Variants in ELP4 observed in about 807,000 individuals in gnomAD.
The protein encoded by ELP4 is elongator complex protein 4.
Under a neutral mutation model 48.9 loss-of-function variants are expected in ELP4, and 51 were observed. The ratio of observed to expected loss-of-function variants is 1.04; its 90% confidence interval spans 0.83 to 1.32. The LOEUF is 1.32. ELP4 is among the 40% of genes most tolerant of loss of function. The pLI, the probability that ELP4 is intolerant of heterozygous loss-of-function variation, is 0.00. For synonymous variants in ELP4, 210 were observed against 189.2 expected (o/e 1.11, Z -0.90); for missense variants, 519 against 514.6 (o/e 1.01, Z -0.08).
At chr11:31,626,482 G>A (rs1179049795) in intron 5 of ELP4, among the ~76,000 whole-genome samples, 1 of 151,644 alleles carries the variant, frequency 6.6e-6, no homozygotes, top group Non-Finnish European at 1.5e-5. Context: ...CATAGCATTT[G>A]TAAAATATTT....
At chr11:31,636,947 T>C (rs1944991194) in intron 7 of ELP4, among the ~76,000 whole-genome samples, 1 of 152,144 alleles carries the variant, frequency 6.6e-6, no homozygotes, top group Admixed American at 6.6e-5. Context: ...ATATTATTAC[T>C]CATATTGTCT....
intron 9 of ELP4, among the ~76,000 whole-genome samples, chr11:31,769,798 AC>A (rs558229770): frequency 9.8e-4 from 149 of 152,326 alleles, no homozygotes; most frequent in African/African-American, 3.2e-3. Context: ...TTAAAAAAAA[AC>A]GAGGATAAAA....
At chr11:31,657,450 C>G (rs981881244) in intron 9 of ELP4, among the ~76,000 whole-genome samples, 1 of 151,984 alleles carries the variant, frequency 6.6e-6, no homozygotes, top group Non-Finnish European at 1.5e-5. Context: ...AATGTAAGCT[C>G]CACAAGAGTA....
chr11:31,619,143 G>C (rs1457979373), intron 5 of ELP4, among the ~76,000 whole-genome samples: 3 of 151,924 alleles, frequency 2.0e-5, no homozygotes, highest in Non-Finnish European at 4.4e-5. Flanking sequence ...TTTCAAGGGA[G>C]AGATAACGAT....
chr11:31,696,607 A>G (rs1331711548), intron 9 of ELP4, among the ~76,000 whole-genome samples: 3 of 152,192 alleles, frequency 2.0e-5, no homozygotes, highest in East Asian at 1.9e-4. Context: ...CAATTTTGGA[A>G]TAAGTGTGAT....
In ELP4 at chr11:31,788,716, T is replaced by A. The variant is rs1051181059; in HGVS notation, c.*5192T>A. 9.7e-6 allele frequency: 2 copies of A among 205,738 alleles called. No homozygotes were observed. The highest frequency in any genetic ancestry group is 2.0e-5 in the Non-Finnish European group (2 of 101,676). 12.7% of individuals were successfully genotyped at this position (205,738 alleles called of 1,614,324 possible). A position where few individuals can be genotyped will look rare whatever the true frequency, so the allele number is the denominator to read the frequency against. Reference sequence around the variant, plus strand: ...GGGAAATGTTACCATTTTGTATATATGTTGTGGGTATAAATGGGCACAGAT... The same window carrying A: ...GGGAAATGTTACCATTTTGTATATAAGTTGTGGGTATAAATGGGCACAGAT... On this transcript the variant is annotated 3_prime_UTR_variant, in exon 10 of 10. Coordinates refer to ENST00000640961, the MANE Select transcript of ELP4 (RefSeq NM_019040.5).
chr11:31,538,721 T>A (rs1243682785), intron 2 of ELP4, among the ~76,000 whole-genome samples: 3 of 151,928 alleles, frequency 2.0e-5, no homozygotes, highest in Non-Finnish European at 4.4e-5. Context: ...CCATATTTGG[T>A]TTTATGATAT....
intron 9 of ELP4, among the ~76,000 whole-genome samples, chr11:31,750,469 T>G (rs549112250): frequency 6.6e-6 from 1 of 152,204 alleles, no homozygotes; most frequent in African/African-American, 2.4e-5. Flanking sequence ...ACGGTGGTCT[T>G]TCCCTCAGGC....
At chr11:31,597,426 G>A (rs974718159) in intron 4 of ELP4, among the ~76,000 whole-genome samples, 1 of 152,152 alleles carries the variant, frequency 6.6e-6, no homozygotes, top group Non-Finnish European at 1.5e-5. Context: ...AAAAATATGA[G>A]TTAAGTGATA....
intron 9 of ELP4, chr11:31,662,604 A>G (rs1945586559): frequency 2.0e-5 from 8 of 397,862 alleles, no homozygotes; most frequent in Non-Finnish European, 3.5e-5. Flanking sequence ...AAAATTTTCT[A>G]TAAAGAAGAA....
chr11:31,574,434 A>G (rs1315157547), intron 3 of ELP4, among the ~76,000 whole-genome samples: 1 of 152,206 alleles, frequency 6.6e-6, no homozygotes, highest in Non-Finnish European at 1.5e-5. Flanking sequence ...TTGAGAGAGT[A>G]GTCGTTCTCC....
chr11:31,567,581 A>T (rs1957132966), intron 3 of ELP4, among the ~76,000 whole-genome samples: 1 of 152,224 alleles, frequency 6.6e-6, no homozygotes, highest in Non-Finnish European at 1.5e-5. Context: ...GAAGAAAAAC[A>T]TGAGTCTTAG....
At chr11:31,567,234 G>T (rs1018439202) in intron 3 of ELP4, among the ~76,000 whole-genome samples, 6 of 151,962 alleles carry the variant, frequency 3.9e-5, no homozygotes, top group African/African-American at 1.4e-4. Context: ...CACCCGGCCT[G>T]TAGTACTTCT....
intron 6 of ELP4, among the ~76,000 whole-genome samples, chr11:31,630,882 C>G (rs1944847455): frequency 6.6e-6 from 1 of 151,816 alleles, no homozygotes; most frequent in East Asian, 1.9e-4. Flanking sequence ...GAGTTCGAGA[C>G]TACCATAAGC....
chr11:31,537,413 T>A (rs1319963010), intron 2 of ELP4, among the ~76,000 whole-genome samples: 1 of 152,174 alleles, frequency 6.6e-6, no homozygotes, highest in East Asian at 1.9e-4. Context: ...TTATAGTAAG[T>A]CTTGAAATAA....
rs138061170 is a variant in ELP4, at chr11:31,774,286, G to A, written c.1144-9107G>A. Among the ~76,000 whole-genome samples the A allele has an allele frequency of 7.6e-4, 115 of 152,306 alleles. 1 individual carries two copies. Among genetic ancestry groups the A allele is most frequent in the African/African-American group, 2.6e-3 (108 of 41,570 alleles). On this transcript the variant is annotated intron_variant, in intron 9 of 9. Coordinates refer to ENST00000640961, the MANE Select transcript of ELP4 (RefSeq NM_019040.5). ...CTAAAATAATAGACTTGAGTGGGAAGGCAATACCCTTAATCTTTTTTCTCT... is the reference window on the plus strand; with the variant it reads ...CTAAAATAATAGACTTGAGTGGGAAAGCAATACCCTTAATCTTTTTTCTCT...
chr11:31,527,377 G>A (rs112311332), intron 2 of ELP4, among the ~76,000 whole-genome samples: 101 of 152,090 alleles, frequency 6.6e-4, no homozygotes, highest in Non-Finnish European at 1.1e-3. Flanking sequence ...AATGCAGAGA[G>A]CATATTTAAC....
chr11:31,518,646 C>T (rs907005202), intron 1 of ELP4, among the ~76,000 whole-genome samples: 1 of 151,502 alleles, frequency 6.6e-6, no homozygotes, highest in African/African-American at 2.4e-5. Flanking sequence ...CCTGTAATCT[C>T]ACCACTTTGG....
intron 9 of ELP4, among the ~76,000 whole-genome samples, chr11:31,704,227 TAA>T (rs200358643): frequency 2.8e-5 from 4 of 142,164 alleles, no homozygotes; most frequent in Non-Finnish European, 3.1e-5. Context: ...TCTCAGCAAC[TAA>T]AAAAAAAAAA....
Sources: gnomAD v4.1 joint callset for allele counts (sites outside exome capture counted in the v4.1 genomes callset) on GRCh38, gnomAD v4.1.1 for gene constraint, MANE v1.5 for transcripts, NCBI Gene and HGNC (gene_info 2026-07-23, HGNC 2026-07-21) for gene names.